Variants in EMC3 observed in about 807,000 individuals in gnomAD.
EMC3 encodes ER membrane protein complex subunit 3, also known as 30 kDa protein.
In EMC3, 13 loss-of-function variants were observed where a neutral mutation model predicts 36.6. That is an observed-to-expected ratio of 0.35 (90% CI 0.23 to 0.56). The LOEUF is 0.56. EMC3 is among the 20% of genes least tolerant of loss of function. The probability of loss-of-function intolerance (pLI) is 0.84; values close to 1 mark genes in which losing one functional copy is unlikely to be tolerated. For synonymous variants in EMC3, 120 were observed against 111.9 expected (o/e 1.07, Z -0.46); for missense variants, 220 against 324.5 (o/e 0.68, Z 2.47).
upstream of EMC3, among the ~76,000 whole-genome samples, chr3:9,989,961 C>CTTT (rs75432385): frequency 7.5e-6 from 1 of 133,678 alleles, no homozygotes; most frequent in African/African-American, 2.8e-5. Context: ...GCCTTTTTAA[C>CTTT]TTTTTTTTTT....
At chr3:10,004,746 C>T (rs2086245482) in intron 1 of EMC3, 1 of 152,294 alleles carries the variant, frequency 6.6e-6, no homozygotes, top group South Asian at 2.1e-4. Flanking sequence ...TGTGTCTACT[C>T]CTTGGCACCT....
At chr3:9,981,679 C>T (rs1353763557) in intron 1 of EMC3, 1 of 398,358 alleles carries the variant, frequency 2.5e-6, no homozygotes, top group Non-Finnish European at 4.9e-6. Context: ...AAGGGATCCT[C>T]CCATCTCAGC....
At chr3:9,991,455 A>G (rs2086051156), upstream of EMC3, among the ~76,000 whole-genome samples, 1 of 152,228 alleles carries the variant, frequency 6.6e-6, no homozygotes, top group Non-Finnish European at 1.5e-5. Flanking sequence ...TCTTATGCCT[A>G]CACATATATA....
chr3:9,974,976 T>C (rs1407262523), intron 3 of EMC3, among the ~76,000 whole-genome samples: 1 of 148,740 alleles, frequency 6.7e-6, no homozygotes, highest in Admixed American at 6.8e-5. Context: ...TTCTCTTGCC[T>C]CAGCCTCCTA....
At chr3:9,993,759 T>G (rs892950037) in intron 1 of EMC3, among the ~76,000 whole-genome samples, 4 of 152,272 alleles carry the variant, frequency 2.6e-5, no homozygotes, top group African/African-American at 9.6e-5. Flanking sequence ...TATTGCATTA[T>G]TGATAGAGCA....
At chr3:9,968,409 A>G (rs912609691) in intron 7 of EMC3, among the ~76,000 whole-genome samples, 6 of 152,244 alleles carry the variant, frequency 3.9e-5, no homozygotes, top group African/African-American at 1.4e-4. Context: ...ATACAACACC[A>G]TGCCATTTGC....
At chr3:9,988,246 T>G, upstream of EMC3, 2 of 608,004 alleles carry the variant, frequency 3.3e-6, no homozygotes, top group South Asian at 3.6e-5. Flanking sequence ...TGCAAGTTTA[T>G]TAGCCATCTT....
chr3:10,006,027 G>A (rs1252398849), intron 1 of EMC3, among the ~76,000 whole-genome samples: 1 of 152,212 alleles, frequency 6.6e-6, no homozygotes, highest in Non-Finnish European at 1.5e-5. Flanking sequence ...ATTCTTGCCA[G>A]TACACCTGCC....
At position 9,998,366 on chromosome 3, in the gene EMC3, A is replaced by AAATAATAATAATAATAAT. The variant is rs35879571; in HGVS notation, c.-241-11482_-241-11465dup. Among the ~76,000 whole-genome samples the AAATAATAATAATAATAAT allele has an allele frequency of 3.7e-3, 508 of 137,370 alleles. 3 individuals carry two copies. Among genetic ancestry groups the AAATAATAATAATAATAAT allele is most frequent in the Non-Finnish European group, 5.3e-3 (341 of 64,678 alleles). 90.1% of individuals were successfully genotyped at this position (137,370 alleles called of 152,430 possible). On this transcript the variant is annotated intron_variant, in intron 1 of 8. Coordinates refer to the EMC3 transcript ENST00000470827. Reference sequence around the variant, plus strand: ...GGGCAACAGAGCGAGACTCTGTCTCAAATAATAATAATAATAATAATAATA... The same window carrying AAATAATAATAATAATAAT: ...GGGCAACAGAGCGAGACTCTGTCTCAAATAATAATAATAATAATAATAATAATAATAATAATAATAATA...
In EMC3 at chr3:9,969,375, G is replaced by C; in HGVS notation, c.657+344C>G. ...TTTTTGTGAAAAGGCTCTTAGTATT[G>C]TTTTTTTAATGCAATTTATATCTGA... is the stretch of plus-strand genomic sequence containing the variant. On this transcript the variant is annotated intron_variant, in intron 7 of 7. Coordinates refer to ENST00000245046, the MANE Select transcript of EMC3 (RefSeq NM_001394674.1). The C allele has an allele frequency of 6.1e-6, 7 of 1,145,350 alleles. No homozygotes were observed. In the South Asian group the frequency reaches 1.4e-4, roughly 22 times the overall value. The allele number at this position is 1,145,350 out of a possible 1,614,324, so 70.9% of individuals were successfully genotyped here. A position where few individuals can be genotyped will look rare whatever the true frequency, so the allele number is the denominator to read the frequency against.
At chr3:9,990,878 T>G (rs62245489), upstream of EMC3, among the ~76,000 whole-genome samples, 845 of 151,832 alleles carry the variant, frequency 5.6e-3, 3 homozygotes, top group Non-Finnish European at 8.6e-3. Context: ...GCCCAGGCTG[T>G]AGTGCAGTGG....
At chr3:9,965,982 A>G (rs1296319929) in intron 7 of EMC3, among the ~76,000 whole-genome samples, 3 of 152,242 alleles carry the variant, frequency 2.0e-5, no homozygotes, top group South Asian at 2.1e-4. Flanking sequence ...ACATTCTCAC[A>G]TAAGTTTCTG....
chr3:9,972,193 T>C (rs1332783873), intron 5 of EMC3, among the ~76,000 whole-genome samples: 2 of 151,634 alleles, frequency 1.3e-5, no homozygotes, highest in African/African-American at 4.9e-5. Flanking sequence ...TGACTAGAAC[T>C]AATGAAAACT....
intron 7 of EMC3, among the ~76,000 whole-genome samples, chr3:9,966,176 CT>C (rs549860980): frequency 2.0e-5 from 3 of 150,052 alleles, no homozygotes; most frequent in South Asian, 4.2e-4. Context: ...TATTGTTGAT[CT>C]TTTTTTTTAT....
chr3:9,974,894 T>C (rs2085829031), intron 3 of EMC3, among the ~76,000 whole-genome samples: 1 of 110,770 alleles, frequency 9.0e-6, no homozygotes, highest in African/African-American at 3.7e-5. Flanking sequence ...GGAGTCTCAC[T>C]CTATCGCCCA....
At chr3:10,009,168 C>G (rs1378078183) in intron 1 of EMC3, 1 of 152,276 alleles carries the variant, frequency 6.6e-6, no homozygotes, top group Non-Finnish European at 1.5e-5. Context: ...GGGCCGTTGG[C>G]CGTTGGGAGC....
At chr3:9,986,270 A>T (rs775718614) in intron 1 of EMC3, among the ~76,000 whole-genome samples, 2 of 152,194 alleles carry the variant, frequency 1.3e-5, no homozygotes, top group Non-Finnish European at 2.9e-5. Flanking sequence ...AATACGTCCT[A>T]GATCCTGTGC....
At chr3:9,986,392 G>A in intron 1 of EMC3, 115 bp downstream of exon 1, 1 of 1,220,712 alleles carries the variant, frequency 8.2e-7, no homozygotes. Context: ...TAACGGGTAA[G>A]GTCACCCTGT....
chr3:9,997,604 C>G (rs957891859), intron 1 of EMC3, among the ~76,000 whole-genome samples: 3 of 152,074 alleles, frequency 2.0e-5, no homozygotes, highest in African/African-American at 7.2e-5. Context: ...TGATTACAGG[C>G]GTGCACCACC....
Sources: allele counts gnomAD v4.1 joint callset (sites outside exome capture counted in the v4.1 genomes callset), GRCh38; gene constraint gnomAD v4.1.1; transcripts MANE v1.5; gene names NCBI Gene and HGNC (gene_info 2026-07-23, HGNC 2026-07-21).